DMRTC1: variants seen among roughly 807,000 people sequenced by gnomAD.
The protein encoded by DMRTC1 is doublesex- and mab-3-related transcription factor C1.
For missense variants in DMRTC1, 9 were observed against 34.6 expected (o/e 0.26, Z 1.86); for synonymous variants, 7 against 14.1 (o/e 0.50, Z 1.13).
At chrX:72,886,822 G>T (rs1262976121) in intron 1 of DMRTC1, among the ~76,000 whole-genome samples, 1 of 57,551 alleles carries the variant, frequency 1.7e-5, no homozygotes, top group Admixed American at 2.0e-4. Flanking sequence ...AGATTGTTTT[G>T]GGTAATATGG....
intron 1 of DMRTC1, among the ~76,000 whole-genome samples, chrX:72,914,217 G>GA (rs1173409856): frequency 0.01 from 251 of 24,199 alleles, 8 homozygotes; most frequent in African/African-American, 0.058. Flanking sequence ...GCCAGGGGAG[G>GA]AAAAAAAAAA....
intron 1 of DMRTC1, among the ~76,000 whole-genome samples, chrX:72,916,375 A>G (rs1165836536): frequency 3.7e-5 from 4 of 108,162 alleles, no homozygotes; most frequent in African/African-American, 1.5e-4. Context: ...AGGGGGTCCT[A>G]TTGAACTGTG....
intron 1 of DMRTC1, among the ~76,000 whole-genome samples, chrX:72,879,769 CTT>C (rs1290670783): frequency 1.8e-5 from 2 of 113,726 alleles, no homozygotes; most frequent in African/African-American, 6.4e-5. Flanking sequence ...TTCTTTCTCC[CTT>C]TCTCTCTCTC....
chrX:72,913,115 C>A (rs1373971994), intron 1 of DMRTC1: 8 of 484,690 alleles, frequency 1.7e-5, no homozygotes, highest in Admixed American at 1.6e-4. Context: ...CCTTCGGAGC[C>A]AGCCTCTGCC....
intron 1 of DMRTC1, among the ~76,000 whole-genome samples, chrX:72,886,773 A>G (rs2054879600): frequency 1.7e-5 from 1 of 57,856 alleles, no homozygotes; most frequent in South Asian, 1.3e-3. Context: ...TCCGTAAAAA[A>G]TATCGTTGGT....
At chrX:72,880,710 TTTTG>T (rs1556352910) in intron 1 of DMRTC1, among the ~76,000 whole-genome samples, 6 of 7,535 alleles carry the variant, frequency 8.0e-4, no homozygotes, top group Non-Finnish European at 2.0e-3. Context: ...TTTTTTTTTT[TTTTG>T]ACGGAGTTTC....
chrX:72,906,234 G>T (rs1383572637), intron 1 of DMRTC1, among the ~76,000 whole-genome samples: 3 of 26,317 alleles, frequency 1.1e-4, no homozygotes, highest in East Asian at 2.0e-3. Flanking sequence ...AAGGAGATTG[G>T]ATCAGTAATC....
At chrX:72,906,027 G>A (rs1335126299) in intron 1 of DMRTC1, among the ~76,000 whole-genome samples, 2 of 79,750 alleles carry the variant, frequency 2.5e-5, no homozygotes, top group Non-Finnish European at 4.6e-5. Flanking sequence ...GAAGAATCAG[G>A]GAAATAAAAT....
intron 1 of DMRTC1, among the ~76,000 whole-genome samples, chrX:72,902,909 GACACACAC>G (rs377421921): frequency 5.1e-5 from 3 of 59,074 alleles, no homozygotes; most frequent in Admixed American, 4.3e-4. Context: ...ACCAGACAAA[GACACACAC>G]ACACACACAC....
At chrX:72,879,734 C>CCTCT (rs1556352516) in intron 1 of DMRTC1, among the ~76,000 whole-genome samples, 1 of 113,475 alleles carries the variant, frequency 8.8e-6, no homozygotes, top group Admixed American at 9.2e-5. Flanking sequence ...TCTTTCTTTT[C>CCTCT]CTTTCTTTCT....
chrX:72,913,526 C>T, intron 1 of DMRTC1: 4 of 404,802 alleles, frequency 9.9e-6, no homozygotes, highest in South Asian at 7.4e-5. Flanking sequence ...AGGCTGTCTG[C>T]CCTCCTCGAG....
intron 1 of DMRTC1, among the ~76,000 whole-genome samples, chrX:72,916,613 C>A (rs1415578559): frequency 1.4e-5 from 1 of 71,159 alleles, no homozygotes; most frequent in Non-Finnish European, 2.3e-5. Context: ...TCGTGCCCCT[C>A]CTCCAGTGCT....
At position 72,879,781 on chromosome X, in the gene DMRTC1, C is replaced by T. The variant is rs782600619; in HGVS notation, c.-94-3993G>A. Among the ~76,000 whole-genome samples, 4 of 112,464 alleles carry T rather than the reference C, an allele frequency of 3.6e-5. No homozygotes were observed. The South Asian group carries it at 1.5e-3, about 42-fold the overall frequency. ...CCTTTCTTTCTCCCTTTCTCTCTCT[C>T]TTTCTCTTTCTCCTTCCTTCCTTCC... On this transcript the variant is annotated intron_variant, in intron 1 of 6. Transcript: ENST00000615063.
At chrX:72,876,854 TC>T (rs1335463790) in intron 1 of DMRTC1, among the ~76,000 whole-genome samples, 9 of 63,627 alleles carry the variant, frequency 1.4e-4, no homozygotes, top group African/African-American at 5.1e-4. Flanking sequence ...CCTTCATGCA[TC>T]CCCCCCGGCC....
chrX:72,913,435 C>G, intron 1 of DMRTC1: 2 of 431,288 alleles, frequency 4.6e-6, no homozygotes, highest in South Asian at 3.3e-5. Context: ...ACTTTCAACA[C>G]GTCGGCTGAA....
At chrX:72,913,603 G>A (rs1395880002) in intron 1 of DMRTC1, among the ~76,000 whole-genome samples, 3 of 93,984 alleles carry the variant, frequency 3.2e-5, no homozygotes, top group Non-Finnish European at 6.2e-5. Flanking sequence ...AGTTTTCCAC[G>A]GCTCTCAGCT....
intron 4 of DMRTC1, among the ~76,000 whole-genome samples, chrX:72,874,578 C>T (rs2054788437): frequency 1.3e-5 from 1 of 74,948 alleles, no homozygotes; most frequent in Non-Finnish European, 2.4e-5. Flanking sequence ...CAAAGTCTCA[C>T]AAATAGAAAA....
intron 1 of DMRTC1, among the ~76,000 whole-genome samples, chrX:72,882,214 C>T (rs1316063163): frequency 3.0e-5 from 2 of 66,854 alleles, no homozygotes; most frequent in African/African-American, 1.2e-4. Flanking sequence ...GCTCATCTCA[C>T]CCCCTCCCCC....
chrX:72,913,451 G>A (rs1256897327), intron 1 of DMRTC1: 2 of 431,239 alleles, frequency 4.6e-6, no homozygotes, highest in Admixed American at 3.7e-5. Flanking sequence ...CTGAACTGGG[G>A]GTGGTCAGCT....
Sources: gnomAD v4.1 joint callset for allele counts (sites outside exome capture counted in the v4.1 genomes callset) on GRCh38, gnomAD v4.1.1 for gene constraint, MANE v1.5 for transcripts, NCBI Gene and HGNC (gene_info 2026-07-23, HGNC 2026-07-21) for gene names.